Variants in GRIP1 observed in about 807,000 individuals in gnomAD.
The protein encoded by GRIP1 is glutamate receptor interacting protein 1.
Under a neutral mutation model 129.9 loss-of-function variants are expected in GRIP1, and 45 were observed. The ratio of observed to expected loss-of-function variants is 0.35; its 90% CI spans 0.27 to 0.44. The LOEUF is 0.44. GRIP1 is among the 20% of genes least tolerant of loss of function. The probability of loss-of-function intolerance (pLI) is 1.00; values close to 1 mark genes in which losing one functional copy is unlikely to be tolerated. For synonymous variants in GRIP1, 530 were observed against 520.8 expected (o/e 1.02, Z -0.24); for missense variants, 1,196 against 1,396.8 (o/e 0.86, Z 2.29).
intron 1 of GRIP1, among the ~76,000 whole-genome samples, chr12:66,769,225 A>ATTTT (rs112284216): frequency 3.5e-5 from 5 of 144,758 alleles, no homozygotes; most frequent in African/African-American, 1.3e-4. Flanking sequence ...CCAAATGGAA[A>ATTTT]TTTTTTTTTT....
intron 1 of GRIP1, among the ~76,000 whole-genome samples, chr12:66,923,569 G>GA (rs2041247661): frequency 1.3e-5 from 2 of 152,042 alleles, no homozygotes; most frequent in South Asian, 2.1e-4. Context: ...GAAGATCTCA[G>GA]AAAAAATAAA....
intron 1 of GRIP1, among the ~76,000 whole-genome samples, chr12:66,997,942 T>C (rs1316762248): frequency 6.6e-6 from 1 of 152,110 alleles, no homozygotes; most frequent in Non-Finnish European, 1.5e-5. Flanking sequence ...TTTTCATGTG[T>C]TCAAAAAATT....
At chr12:66,992,510 A>C (rs2042408423) in intron 1 of GRIP1, among the ~76,000 whole-genome samples, 1 of 151,294 alleles carries the variant, frequency 6.6e-6, no homozygotes, top group Non-Finnish European at 1.5e-5. Flanking sequence ...CCTGATTACA[A>C]AGCTTGGTAA....
At chr12:66,576,995 T>G (rs1411338634) in intron 2 of GRIP1, among the ~76,000 whole-genome samples, 1 of 152,230 alleles carries the variant, frequency 6.6e-6, no homozygotes, top group East Asian at 1.9e-4. Flanking sequence ...ATGGTTTTCT[T>G]GAACTCTGTT....
At chr12:67,069,334 G>GC (rs1202192463), upstream of GRIP1, among the ~76,000 whole-genome samples, 5 of 126,108 alleles carry the variant, frequency 4.0e-5, no homozygotes, top group African/African-American at 1.5e-4. Flanking sequence ...GGCGGCGGCC[G>GC]GGCCGGGCCG....
chr12:66,910,597 CT>C (rs2041013029), intron 1 of GRIP1, among the ~76,000 whole-genome samples: 1 of 151,976 alleles, frequency 6.6e-6, no homozygotes, highest in African/African-American at 2.4e-5. Flanking sequence ...CAGGCCCTTC[CT>C]ATTTAGCACA....
chr12:66,952,846 C>G (rs1369258514), intron 1 of GRIP1, among the ~76,000 whole-genome samples: 1 of 152,170 alleles, frequency 6.6e-6, no homozygotes. Context: ...CTGAAAGGAA[C>G]ATGATTCTGA....
In GRIP1 at chr12:66,842,507, CA is replaced by C. The variant is rs2039737785; in HGVS notation, c.58+226542del. Among the ~76,000 whole-genome samples the C allele has an allele frequency of 3.3e-5, 5 of 152,098 alleles. No homozygotes were observed. The South Asian group carries it at 1.0e-3, about 32-fold the overall frequency. On this transcript the variant is annotated intron_variant, in intron 1 of 1. Transcript: ENST00000643019. ...TTGTTATGAGTCTTCAATGAGTTAACAGTAAGTATTAACACTTACATAGTGC... is the reference window on the plus strand; with the variant it reads ...TTGTTATGAGTCTTCAATGAGTTAACGTAAGTATTAACACTTACATAGTGC...
intron 1 of GRIP1, among the ~76,000 whole-genome samples, chr12:66,886,690 A>C (rs1398131174): frequency 6.6e-6 from 1 of 152,202 alleles, no homozygotes; most frequent in Non-Finnish European, 1.5e-5. Context: ...AGTACTAAGC[A>C]AAAATAAGAT....
chr12:67,024,427 A>G (rs1167398699), intron 1 of GRIP1, among the ~76,000 whole-genome samples: 1 of 152,120 alleles, frequency 6.6e-6, no homozygotes, highest in Non-Finnish European at 1.5e-5. Flanking sequence ...TTTAAATCAG[A>G]GCAATGAAAG....
intron 1 of GRIP1, among the ~76,000 whole-genome samples, chr12:66,923,671 G>C (rs2041249337): frequency 1.3e-5 from 2 of 152,140 alleles, no homozygotes; most frequent in Non-Finnish European, 2.9e-5. Context: ...TAAGAACCCA[G>C]TTCCAGATTC....
intron 1 of GRIP1, among the ~76,000 whole-genome samples, chr12:66,948,576 C>G (rs2041707265): frequency 6.6e-6 from 1 of 152,010 alleles, no homozygotes; most frequent in African/African-American, 2.4e-5. Flanking sequence ...GGAGGGGAGA[C>G]AGATATGTGG....
chr12:66,985,598 C>T (rs1444682132), intron 1 of GRIP1, among the ~76,000 whole-genome samples: 2 of 152,070 alleles, frequency 1.3e-5, no homozygotes, highest in African/African-American at 4.8e-5. Context: ...CTAAATCACC[C>T]TTCTATTGGG....
chr12:66,805,157 TA>T (rs1255105560), upstream of GRIP1, among the ~76,000 whole-genome samples: 1 of 152,274 alleles, frequency 6.6e-6, no homozygotes, highest in East Asian at 1.9e-4. Flanking sequence ...GTTACATTTT[TA>T]AAAAAACATG....
chr12:67,044,461 A>G (rs1329197850), intron 1 of GRIP1, among the ~76,000 whole-genome samples: 4 of 152,200 alleles, frequency 2.6e-5, no homozygotes, highest in Non-Finnish European at 1.5e-5. Flanking sequence ...AGAAAATAAA[A>G]GTGCTAAAAA....
intron 1 of GRIP1, among the ~76,000 whole-genome samples, chr12:66,786,624 G>A (rs1035162294): frequency 6.6e-6 from 1 of 152,168 alleles, no homozygotes. Context: ...GAATGTTGCT[G>A]GAACACCAAA....
At chr12:66,587,045 C>T (rs1323064036) in intron 2 of GRIP1, among the ~76,000 whole-genome samples, 1 of 152,228 alleles carries the variant, frequency 6.6e-6, no homozygotes, top group East Asian at 1.9e-4. Flanking sequence ...TCTCCAGACT[C>T]ATCCCTTACA....
chr12:66,793,660 A>G (rs1372330001), intron 1 of GRIP1, among the ~76,000 whole-genome samples: 1 of 152,134 alleles, frequency 6.6e-6, no homozygotes, highest in African/African-American at 2.4e-5. Context: ...GGAGTTTATC[A>G]ACCCATCACG....
intron 15 of GRIP1, among the ~76,000 whole-genome samples, chr12:66,415,560 C>T (rs1351429442): frequency 3.3e-5 from 5 of 152,150 alleles, no homozygotes; most frequent in Middle Eastern, 3.4e-3. Context: ...CCCAGCAATC[C>T]CATTACTGGA....
Sources: allele counts gnomAD v4.1 joint callset (sites outside exome capture counted in the v4.1 genomes callset), GRCh38; gene constraint gnomAD v4.1.1; transcripts MANE v1.5; gene names NCBI Gene and HGNC (gene_info 2026-07-23, HGNC 2026-07-21).